The following CENPK variants were observed in gnomAD, a reference collection of about 807,000 sequenced individuals.
The protein encoded by CENPK is SoxLZ/Sox6-binding protein Solt.
A neutral mutation model predicts 40.9 loss-of-function variants in CENPK; 46 were observed. That is an observed-to-expected ratio of 1.13 (90% confidence interval 0.89 to 1.44). The LOEUF (loss-of-function observed/expected upper bound fraction) is 1.44, where lower values mean the gene tolerates loss of function less well. Ranked by LOEUF, CENPK falls within the 40% of genes most tolerant of loss-of-function variation. The pLI, the probability that CENPK is intolerant of heterozygous loss-of-function variation, is 0.00. For missense variants in CENPK, 288 were observed against 303.5 expected, an observed-to-expected ratio of 0.95 and a Z score of 0.38; for synonymous variants, 107 against 104.4, an observed-to-expected ratio of 1.02 and a Z score of -0.15.
At chr5:65,501,676 G>C in the CENPK span, among the ~76,000 whole-genome samples, 12 of 152,164 alleles carry the variant, frequency 7.9e-5, no homozygotes, top group Non-Finnish European at 8.8e-5. Flanking sequence ...ATCACTACCA[G>C]GTAGTGGTGA....
intron 6 of CENPK, among the ~76,000 whole-genome samples, chr5:65,541,193 C>A (rs1307382290): frequency 6.6e-6 from 1 of 152,112 alleles, no homozygotes; most frequent in Non-Finnish European, 1.5e-5. Context: ...GTTCTGTGAG[C>A]TGCTCTGGCA....
the CENPK span, among the ~76,000 whole-genome samples, chr5:65,499,023 G>C: frequency 1.3e-5 from 2 of 151,366 alleles, no homozygotes; most frequent in African/African-American, 4.9e-5. Context: ...TTATGTTTCA[G>C]GACTTTCTTT....
intron 9 of CENPK, among the ~76,000 whole-genome samples, chr5:65,521,840 G>C (rs908207888): frequency 6.6e-6 from 1 of 152,162 alleles, no homozygotes; most frequent in African/African-American, 2.4e-5. Context: ...ACCCTCAGGT[G>C]ATCTGCCCAC....
the CENPK span, among the ~76,000 whole-genome samples, chr5:65,500,638 A>T: frequency 6.6e-6 from 1 of 151,858 alleles, no homozygotes; most frequent in East Asian, 1.9e-4. Flanking sequence ...AGATTAAGGA[A>T]TATCTATTGT....
intron 9 of CENPK, among the ~76,000 whole-genome samples, chr5:65,526,543 G>T (rs546657261): frequency 6.6e-6 from 1 of 152,232 alleles, no homozygotes; most frequent in South Asian, 2.1e-4. Context: ...CTATATAAAA[G>T]ATATGCAAGA....
chr5:65,530,989 A>C (rs1446894138), intron 6 of CENPK, among the ~76,000 whole-genome samples: 3 of 152,164 alleles, frequency 2.0e-5, no homozygotes, highest in Non-Finnish European at 4.4e-5. Flanking sequence ...GAAAAACAGG[A>C]TGAAAAGAAA....
chr5:65,554,633 T>C (rs1412347366), intron 3 of CENPK, among the ~76,000 whole-genome samples, 164 bp downstream of exon 3: 2 of 152,246 alleles, frequency 1.3e-5, no homozygotes, highest in African/African-American at 4.8e-5. Flanking sequence ...TCATCTAGTG[T>C]AAAGTTTCTT....
In CENPK at chr5:65,528,448, T is replaced by G; in HGVS notation, c.597+4A>C. 1.3e-6 allele frequency: 2 copies of G among 1,586,344 alleles called. No homozygotes were observed. The highest frequency in any genetic ancestry group is 1.7e-6 in the Non-Finnish European group (2 of 1,172,722). On this transcript the variant is annotated splice_donor_region_variant and intron_variant, in intron 9 of 10. Coordinates refer to ENST00000396679, the MANE Select transcript of CENPK (RefSeq NM_022145.5). ...TTTACATAAATGTCTTCTCTAAAACTTACCTTTTTCTTTTTAACACTTCTA... is the reference window on the plus strand; with the variant it reads ...TTTACATAAATGTCTTCTCTAAAACGTACCTTTTTCTTTTTAACACTTCTA...
chr5:65,497,602 G>A, the CENPK span, among the ~76,000 whole-genome samples: 7 of 152,212 alleles, frequency 4.6e-5, no homozygotes, highest in African/African-American at 7.2e-5. Flanking sequence ...TAAGTTCCCC[G>A]GTCCACACCT....
At chr5:65,500,716 G>T in the CENPK span, among the ~76,000 whole-genome samples, 4 of 152,156 alleles carry the variant, frequency 2.6e-5, no homozygotes, top group Non-Finnish European at 4.4e-5. Flanking sequence ...AGGCTAGAGA[G>T]CAGTGGCGCA....
chr5:65,531,718 G>A (rs988115390), intron 6 of CENPK, among the ~76,000 whole-genome samples: 4 of 152,130 alleles, frequency 2.6e-5, no homozygotes, highest in Admixed American at 1.3e-4. Flanking sequence ...TGGCCAGGAT[G>A]GTCTCGATCT....
chr5:65,499,321 G>A, the CENPK span, among the ~76,000 whole-genome samples: 2 of 150,598 alleles, frequency 1.3e-5, no homozygotes, highest in Non-Finnish European at 3.0e-5. Flanking sequence ...CTGACAGTTC[G>A]TTGAGCAATT....
chr5:65,555,478 C>G (rs1750820496), intron 2 of CENPK, among the ~76,000 whole-genome samples: 2 of 152,124 alleles, frequency 1.3e-5, no homozygotes, highest in Non-Finnish European at 2.9e-5. Flanking sequence ...GTTTGGTAGG[C>G]TATTTTAAGG....
At chr5:65,533,088 G>A (rs907370418) in intron 6 of CENPK, among the ~76,000 whole-genome samples, 4 of 151,862 alleles carry the variant, frequency 2.6e-5, no homozygotes, top group South Asian at 2.1e-4. Context: ...GGCCAGGGGC[G>A]GTGGCTCATG....
chr5:65,521,007 AAG>A (rs1272086578), intron 10 of CENPK, among the ~76,000 whole-genome samples: 1 of 152,204 alleles, frequency 6.6e-6, no homozygotes, highest in Non-Finnish European at 1.5e-5. Flanking sequence ...ACTGTAAGAA[AAG>A]AGACTGATGT....
chr5:65,534,742 G>T (rs1005722610), intron 6 of CENPK, among the ~76,000 whole-genome samples: 1 of 152,142 alleles, frequency 6.6e-6, no homozygotes, highest in Non-Finnish European at 1.5e-5. Context: ...ACTCAAAATG[G>T]ATCATGAACC....
rs774528533 is a variant in CENPK at position 65,536,323 on chromosome 5, C to T, written c.288+6479G>A. ...GTGGATCTTTTTCAATGTAAAGAAT[C>T]GTTATCTTAGCCAAGCACAGTGGCT... is the stretch of plus-strand genomic sequence containing the variant. On this transcript the variant is annotated intron_variant, in intron 6 of 10. Coordinates refer to ENST00000396679, the MANE Select transcript of CENPK (RefSeq NM_022145.5). Among the ~76,000 whole-genome samples the T allele has an allele frequency of 2.6e-5, 4 of 151,934 alleles. 1 individual carries two copies. Among genetic ancestry groups the T allele is most frequent in the South Asian group, 4.2e-4 (2 of 4,800 alleles).
At chr5:65,544,865 T>G (rs1028215166) in intron 5 of CENPK, among the ~76,000 whole-genome samples, 1 of 152,250 alleles carries the variant, frequency 6.6e-6, no homozygotes, top group East Asian at 1.9e-4. Context: ...TTGCCAGGGC[T>G]GGGGGATGAT....
At chr5:65,521,606 A>G (rs1743766873) in intron 9 of CENPK, 78 bp from the exon 10 acceptor site, 1 of 989,758 alleles carries the variant, frequency 1.0e-6, no homozygotes, top group East Asian at 2.7e-5. Flanking sequence ...TTTTTATAAG[A>G]CTTTTATTTC....
Sources: gnomAD v4.1 joint callset for allele counts (sites outside exome capture counted in the v4.1 genomes callset) on GRCh38, gnomAD v4.1.1 for gene constraint, MANE v1.5 for transcripts, NCBI Gene and HGNC (gene_info 2026-07-23, HGNC 2026-07-21) for gene names.